Variants in ZFYVE9 observed in about 807,000 individuals in gnomAD.
ZFYVE9 encodes zinc finger FYVE domain-containing protein 9.
Under a neutral mutation model 126.7 loss-of-function variants are expected in ZFYVE9, and 43 were observed. That is an observed-to-expected ratio of 0.34 (90% CI 0.27 to 0.44). The LOEUF (loss-of-function observed/expected upper bound fraction) is 0.44, where lower values mean the gene tolerates loss of function less well. Ranked by LOEUF, ZFYVE9 falls within the 20% of genes least tolerant of loss-of-function variation. ZFYVE9 has a pLI of 1.00. For synonymous variants in ZFYVE9, 521 were observed against 597.4 expected (o/e 0.87, Z 1.87); for missense variants, 1,476 against 1,697.0 (o/e 0.87, Z 2.29).
chr1:52,311,916 G>C (rs1646140684), intron 13 of ZFYVE9, among the ~76,000 whole-genome samples: 1 of 151,924 alleles, frequency 6.6e-6, no homozygotes, highest in Non-Finnish European at 1.5e-5. Flanking sequence ...TCAGCCTCCT[G>C]AGTAGCTGAA....
chr1:52,157,091 G>A (rs576983638), intron 1 of ZFYVE9, among the ~76,000 whole-genome samples: 2 of 151,956 alleles, frequency 1.3e-5, no homozygotes, highest in African/African-American at 2.4e-5. Context: ...CTCGGCCTCC[G>A]AAAGTGCTGG....
At chr1:52,287,618 G>C (rs1645874820) in intron 10 of ZFYVE9, among the ~76,000 whole-genome samples, 1 of 151,590 alleles carries the variant, frequency 6.6e-6, no homozygotes. Flanking sequence ...TCTCTCTTTG[G>C]GAAGCTGAGG....
At chr1:52,345,135 A>G (rs1316937499) in intron 18 of ZFYVE9, among the ~76,000 whole-genome samples, 191 bp downstream of exon 18, 1 of 152,116 alleles carries the variant, frequency 6.6e-6, no homozygotes, top group Admixed American at 6.5e-5. Context: ...TCTCAGAACC[A>G]TTTGAACTGT....
chr1:52,271,776 C>G (rs951575894), intron 7 of ZFYVE9, among the ~76,000 whole-genome samples: 17 of 152,126 alleles, frequency 1.1e-4, no homozygotes, highest in African/African-American at 4.1e-4. Context: ...AATGTATAGT[C>G]CTAAAAACTT....
At chr1:52,155,872 G>A (rs528255490) in intron 1 of ZFYVE9, among the ~76,000 whole-genome samples, 1 of 152,244 alleles carries the variant, frequency 6.6e-6, no homozygotes, top group South Asian at 2.1e-4. Context: ...GCTTTGGAGG[G>A]GATGTGTTGG....
chr1:52,309,129 A>G (rs1646113799), intron 13 of ZFYVE9, among the ~76,000 whole-genome samples: 1 of 152,202 alleles, frequency 6.6e-6, no homozygotes, highest in Non-Finnish European at 1.5e-5. Flanking sequence ...TGTTCACCAA[A>G]TAACTAGATG....
At chr1:52,183,094 G>T (rs1644730060) in intron 1 of ZFYVE9, among the ~76,000 whole-genome samples, 4 of 152,174 alleles carry the variant, frequency 2.6e-5, no homozygotes, top group South Asian at 4.1e-4. Context: ...GAATGTGGCT[G>T]TGAAAAGAAG....
At chr1:52,160,398 T>A (rs1446153215) in intron 1 of ZFYVE9, 1 of 1,102,074 alleles carries the variant, frequency 9.1e-7, no homozygotes, top group African/African-American at 1.5e-5. Flanking sequence ...GACACCAACT[T>A]TGGGACACTT....
chr1:52,213,405 C>G (rs1277268104), intron 1 of ZFYVE9, among the ~76,000 whole-genome samples: 1 of 152,124 alleles, frequency 6.6e-6, no homozygotes, highest in Non-Finnish European at 1.5e-5. Context: ...AATCCTAGCA[C>G]TTTGGGAGGC....
chr1:52,278,630 T>A lies in ZFYVE9; in HGVS notation c.2869+16T>A. ...ATTGTAAATTGTAAGTTATAAATTT[T>A]TAAAAATTAAAATCAGATGTTTTAC... On this transcript the variant is annotated intron_variant, in intron 9 of 18. Coordinates refer to ENST00000287727, the MANE Select transcript of ZFYVE9 (RefSeq NM_004799.4). The A allele has an allele frequency of 6.8e-7, 1 of 1,479,226 alleles. No homozygotes were observed. Among genetic ancestry groups the A allele is most frequent in the Non-Finnish European group, 9.2e-7 (1 of 1,088,072 alleles). The allele number at this position is 1,479,226 out of a possible 1,614,324, so 91.6% of individuals were successfully genotyped here.
intron 2 of ZFYVE9, among the ~76,000 whole-genome samples, chr1:52,221,188 A>G (rs1439655481): frequency 6.6e-6 from 1 of 152,186 alleles, no homozygotes; most frequent in Non-Finnish European, 1.5e-5. Context: ...GTTATTTGGC[A>G]GTCTTCCTGA....
At chr1:52,160,516 C>T (rs1644447488) in intron 1 of ZFYVE9, 1 of 780,250 alleles carries the variant, frequency 1.3e-6, no homozygotes, top group African/African-American at 1.7e-5. Context: ...CTCTAGCCAC[C>T]ACGCTGATGC....
At chr1:52,329,929 C>A (rs377655039) in intron 13 of ZFYVE9, among the ~76,000 whole-genome samples, 1 of 151,880 alleles carries the variant, frequency 6.6e-6, no homozygotes, top group Admixed American at 6.6e-5. Context: ...AAAATTCTTC[C>A]GTGTCAACAG....
At chr1:52,159,573 A>G (rs1373888602) in intron 1 of ZFYVE9, among the ~76,000 whole-genome samples, 2 of 152,178 alleles carry the variant, frequency 1.3e-5, no homozygotes, top group Non-Finnish European at 2.9e-5. Flanking sequence ...CTTAGTGCCT[A>G]TGTTATGAGT....
intron 13 of ZFYVE9, among the ~76,000 whole-genome samples, chr1:52,320,015 CA>C (rs199572576): frequency 0.86 from 115,745 of 134,460 alleles, 50,060 homozygotes; most frequent in Non-Finnish European, 0.93. Flanking sequence ...GATTCTGTCT[CA>C]AAAAAAAAAA....
chr1:52,255,977 T>TTCCTTCCTTCCTTCC (rs1557484297), intron 4 of ZFYVE9, among the ~76,000 whole-genome samples: 2 of 135,292 alleles, frequency 1.5e-5, no homozygotes, highest in African/African-American at 6.7e-5. Flanking sequence ...TCTTTCTTTC[T>TTCCTTCCTTCCTTCC]TTCTTTCCTT....
intron 4 of ZFYVE9, among the ~76,000 whole-genome samples, chr1:52,257,622 C>T (rs1161879450): frequency 6.6e-6 from 1 of 152,128 alleles, no homozygotes; most frequent in Non-Finnish European, 1.5e-5. Flanking sequence ...TGTGTTGTTG[C>T]AAAAGTTGAA....
At chr1:52,177,467 G>A (rs1456964906) in intron 1 of ZFYVE9, among the ~76,000 whole-genome samples, 3 of 152,156 alleles carry the variant, frequency 2.0e-5, no homozygotes, top group Non-Finnish European at 4.4e-5. Flanking sequence ...TTTCTTTGTT[G>A]ATTTTTTGTC....
intron 4 of ZFYVE9, among the ~76,000 whole-genome samples, chr1:52,253,264 G>A (rs576516755): frequency 3.3e-5 from 5 of 152,348 alleles, no homozygotes; most frequent in African/African-American, 1.2e-4. Flanking sequence ...AACTGGCCAA[G>A]TGTCTTTATT....
Sources: allele counts gnomAD v4.1 joint callset (sites outside exome capture counted in the v4.1 genomes callset), GRCh38; gene constraint gnomAD v4.1.1; transcripts MANE v1.5; gene names NCBI Gene and HGNC (gene_info 2026-07-23, HGNC 2026-07-21).